The following PTPRD variants were observed in gnomAD, a reference collection of about 807,000 sequenced individuals.
PTPRD encodes the protein receptor-type tyrosine-protein phosphatase delta.
Under a neutral mutation model 214.5 loss-of-function variants are expected in PTPRD, and 34 were observed. That is an observed-to-expected ratio of 0.16 (90% CI 0.12 to 0.21). The LOEUF is 0.21. Ranked by LOEUF, PTPRD falls within the 10% of genes least tolerant of loss-of-function variation. The probability of loss-of-function intolerance (pLI) is 1.00; values close to 1 mark genes in which losing one functional copy is unlikely to be tolerated. For missense variants in PTPRD, 2,545 were observed against 2,398.7 expected (o/e 1.06, Z -1.27); for synonymous variants, 1,128 against 845.7 (o/e 1.33, Z -5.79).
At chr9:8,674,997 G>A (rs1022300921) in intron 12 of PTPRD, among the ~76,000 whole-genome samples, 2 of 152,060 alleles carry the variant, frequency 1.3e-5, no homozygotes. Flanking sequence ...GAAATAACCA[G>A]GGTATATTTT....
chr9:9,467,673 T>C (rs1165046869), intron 8 of PTPRD, among the ~76,000 whole-genome samples: 1 of 151,200 alleles, frequency 6.6e-6, no homozygotes, highest in South Asian at 2.1e-4. Flanking sequence ...TCGATTTCAG[T>C]AGATATTCTT....
chr9:10,059,331 C>T (rs939725590), intron 3 of PTPRD, among the ~76,000 whole-genome samples: 3 of 152,026 alleles, frequency 2.0e-5, no homozygotes, highest in East Asian at 1.9e-4. Flanking sequence ...ATAGCAACCT[C>T]GGGTAAATTT....
chr9:10,219,809 CTTGTTTTACTAT>C (rs1449267279), intron 3 of PTPRD, among the ~76,000 whole-genome samples: 2 of 151,500 alleles, frequency 1.3e-5, no homozygotes, highest in African/African-American at 4.9e-5. Flanking sequence ...TTTCACTACC[CTTGTTTTACTAT>C]TTTGTGGCTG....
intron 10 of PTPRD, among the ~76,000 whole-genome samples, chr9:9,115,549 C>T (rs188646188): frequency 1.2e-3 from 185 of 152,200 alleles, no homozygotes; most frequent in African/African-American, 4.4e-3. Context: ...ATTACTACAG[C>T]CTCTATGGAA....
intron 11 of PTPRD, among the ~76,000 whole-genome samples, chr9:8,828,591 T>C (rs1018077325): frequency 1.3e-5 from 2 of 152,178 alleles, no homozygotes; most frequent in African/African-American, 2.4e-5. Flanking sequence ...TTGTTAGTAG[T>C]ACTCTAAGGC....
At chr9:9,444,117 T>A (rs747792280) in intron 8 of PTPRD, among the ~76,000 whole-genome samples, 1 of 152,160 alleles carries the variant, frequency 6.6e-6, no homozygotes, top group Non-Finnish European at 1.5e-5. Context: ...TTTATTAAAT[T>A]TTTAGAAAGT....
intron 9 of PTPRD, among the ~76,000 whole-genome samples, chr9:9,396,292 A>G (rs1343297132): frequency 1.3e-5 from 2 of 152,038 alleles, no homozygotes; most frequent in Non-Finnish European, 2.9e-5. Flanking sequence ...CTTACTATTT[A>G]CAGCATGGTC....
chr9:10,024,941 C>A (rs977756636), intron 4 of PTPRD, among the ~76,000 whole-genome samples: 1 of 151,772 alleles, frequency 6.6e-6, no homozygotes, highest in African/African-American at 2.4e-5. Context: ...TCATCCATGT[C>A]CCTACAAAGG....
At chr9:9,183,123 T>C (rs1440505734) in intron 10 of PTPRD, among the ~76,000 whole-genome samples, 181 bp downstream of exon 10, 1 of 152,056 alleles carries the variant, frequency 6.6e-6, no homozygotes, top group Non-Finnish European at 1.5e-5. Flanking sequence ...ATTAATACAT[T>C]ATAAAGGAAA....
At chr9:9,655,639 C>CCAAA (rs1290149724) in intron 7 of PTPRD, among the ~76,000 whole-genome samples, 1 of 151,560 alleles carries the variant, frequency 6.6e-6, no homozygotes, top group African/African-American at 2.4e-5. Context: ...CCAAACCAAA[C>CCAAA]CGGAAAAACA....
Position 10,013,981 on chromosome 9 carries a change from T to C in PTPRD, c.-472+19737A>G, listed in dbSNP as rs896733296. 3.3e-5 allele frequency among the ~76,000 whole-genome samples: 5 copies of C among 152,098 alleles called. No individual in the cohort carries two copies. The South Asian group carries it at 8.3e-4, about 25-fold the overall frequency. On this transcript the variant is annotated intron_variant, in intron 4 of 45. Coordinates refer to ENST00000381196, the MANE Select transcript of PTPRD (RefSeq NM_002839.4). Reference sequence around the variant, plus strand: ...GGACAAATCTGTAATTCTAAACATGTGTTCTTTATTTTATTCCTTAGTCTA... The same window carrying C: ...GGACAAATCTGTAATTCTAAACATGCGTTCTTTATTTTATTCCTTAGTCTA...
chr9:10,174,887 T>C (rs2099237338), intron 3 of PTPRD, among the ~76,000 whole-genome samples: 1 of 152,110 alleles, frequency 6.6e-6, no homozygotes, highest in African/African-American at 2.4e-5. Flanking sequence ...TTGTTACAGC[T>C]TTTCTCAAAT....
chr9:9,324,608 T>C (rs1293900839), intron 9 of PTPRD, among the ~76,000 whole-genome samples: 1 of 152,182 alleles, frequency 6.6e-6, no homozygotes, highest in African/African-American at 2.4e-5. Flanking sequence ...GACAGATAGG[T>C]AGATTGCAAA....
intron 9 of PTPRD, among the ~76,000 whole-genome samples, chr9:9,375,902 T>G (rs995011862): frequency 4.6e-5 from 7 of 152,154 alleles, no homozygotes; most frequent in African/African-American, 1.7e-4. Context: ...TTAATGCCAC[T>G]GAATGGCACA....
chr9:10,091,578 T>C (rs998971476), intron 3 of PTPRD, among the ~76,000 whole-genome samples: 1 of 151,518 alleles, frequency 6.6e-6, no homozygotes, highest in Non-Finnish European at 1.5e-5. Context: ...CATTTTCAAG[T>C]TAGTTCAAAA....
chr9:8,952,358 T>C (rs1474209903), intron 11 of PTPRD, among the ~76,000 whole-genome samples: 1 of 152,048 alleles, frequency 6.6e-6, no homozygotes. Context: ...TACTGCATTT[T>C]ATTTGCACTA....
At chr9:8,945,865 G>A (rs908252936) in intron 11 of PTPRD, among the ~76,000 whole-genome samples, 1 of 152,000 alleles carries the variant, frequency 6.6e-6, no homozygotes, top group East Asian at 1.9e-4. Flanking sequence ...ATTCCTTCAG[G>A]AAACCTTCCT....
At chr9:10,013,937 T>C (rs573514271) in intron 4 of PTPRD, among the ~76,000 whole-genome samples, 3 of 152,076 alleles carry the variant, frequency 2.0e-5, no homozygotes, top group Non-Finnish European at 2.9e-5. Context: ...TTCTGCTTAA[T>C]AGCATTGAAT....
At chr9:8,543,235 C>T (rs527880341) in intron 14 of PTPRD, among the ~76,000 whole-genome samples, 3 of 152,154 alleles carry the variant, frequency 2.0e-5, no homozygotes, top group Non-Finnish European at 4.4e-5. Context: ...TTGTAATAGA[C>T]TGACACATTG....
Sources: gnomAD v4.1 joint callset for allele counts (sites outside exome capture counted in the v4.1 genomes callset) on GRCh38, gnomAD v4.1.1 for gene constraint, MANE v1.5 for transcripts, NCBI Gene and HGNC (gene_info 2026-07-23, HGNC 2026-07-21) for gene names.